Variants in CREB5 observed in about 807,000 individuals in gnomAD.
The protein encoded by CREB5 is cyclic AMP-responsive element-binding protein 5.
A neutral mutation model predicts 57.1 loss-of-function variants in CREB5; 19 were observed. The ratio of observed to expected loss-of-function variants is 0.33; its 90% CI spans 0.23 to 0.49. The LOEUF is 0.49. Ranked by LOEUF, CREB5 falls within the 20% of genes least tolerant of loss-of-function variation. The pLI is 0.99. For missense variants in CREB5, 579 were observed against 671.6 expected (o/e 0.86, Z 1.52); for synonymous variants, 238 against 238.3 (o/e 1.00, Z 0.01).
At chr7:28,804,158 G>A (rs1808546441) in intron 7 of CREB5, 41 bp from the exon 8 acceptor site, 2 of 1,580,374 alleles carry the variant, frequency 1.3e-6, no homozygotes, top group Non-Finnish European at 1.7e-6. Context: ...GTACATGACT[G>A]ACTTCAGTTG....
intron 1 of CREB5, among the ~76,000 whole-genome samples, chr7:28,318,309 C>T (rs188605610): frequency 1.7e-3 from 261 of 152,234 alleles, no homozygotes; most frequent in Middle Eastern, 0.01. Context: ...TGTATTGGTT[C>T]CAAGAACAGG....
intron 4 of CREB5, among the ~76,000 whole-genome samples, chr7:28,531,211 G>A (rs1793715614): frequency 6.6e-6 from 1 of 152,022 alleles, no homozygotes; most frequent in South Asian, 2.1e-4. Context: ...CATGGCTTCG[G>A]TAATAAAGTA....
chr7:28,574,665 A>G (rs1795836525), intron 5 of CREB5, among the ~76,000 whole-genome samples: 1 of 152,210 alleles, frequency 6.6e-6, no homozygotes, highest in Admixed American at 6.5e-5. Context: ...AAAATATTCT[A>G]CATATTTTTT....
At chr7:28,404,247 G>GT (rs1163476782) in intron 1 of CREB5, among the ~76,000 whole-genome samples, 6 of 152,240 alleles carry the variant, frequency 3.9e-5, no homozygotes, top group African/African-American at 1.4e-4. Context: ...AGTGTATGTG[G>GT]TTGCCTAACA....
chr7:28,492,321 T>C (rs1487698831), intron 2 of CREB5, among the ~76,000 whole-genome samples: 1 of 152,242 alleles, frequency 6.6e-6, no homozygotes, highest in African/African-American at 2.4e-5. Context: ...TATGTTACCG[T>C]TTCTTCGACA....
chr7:28,748,047 C>A (rs1228326246), intron 7 of CREB5, among the ~76,000 whole-genome samples: 1 of 152,218 alleles, frequency 6.6e-6, no homozygotes, highest in Admixed American at 6.5e-5. Flanking sequence ...GGCCATGTGG[C>A]TGGCTGCAGA....
chr7:28,577,869 C>T (rs59248178), intron 5 of CREB5, among the ~76,000 whole-genome samples: 2 of 152,134 alleles, frequency 1.3e-5, no homozygotes, highest in African/African-American at 4.8e-5. Context: ...GGTATAGCTT[C>T]CTCTCTTGAA....
At chr7:28,330,400 A>ATTTTTT (rs1562659890) in intron 1 of CREB5, among the ~76,000 whole-genome samples, 4 of 64,768 alleles carry the variant, frequency 6.2e-5, no homozygotes, top group African/African-American at 2.4e-4. Flanking sequence ...AGAGAACCTT[A>ATTTTTT]CTTTTTTTTT....
At chr7:28,357,199 T>A (rs567595998) in intron 1 of CREB5, among the ~76,000 whole-genome samples, 170 of 152,322 alleles carry the variant, frequency 1.1e-3, no homozygotes, top group Non-Finnish European at 1.8e-3. Context: ...TTCTTAAATC[T>A]CACCTTGCTG....
chr7:28,477,832 T>G (rs4722800), intron 1 of CREB5, among the ~76,000 whole-genome samples: 26,204 of 152,164 alleles, frequency 0.17, 2,360 homozygotes, highest in South Asian at 0.27. Flanking sequence ...CACAGCTTAT[T>G]AGCTGGGCAT....
intron 4 of CREB5, among the ~76,000 whole-genome samples, chr7:28,542,348 C>T (rs1298267269): frequency 6.6e-6 from 1 of 152,160 alleles, no homozygotes; most frequent in Non-Finnish European, 1.5e-5. Context: ...GTTGTTCCTG[C>T]TTAATATGTT....
chr7:28,522,908 G>A (rs149733923), intron 4 of CREB5, among the ~76,000 whole-genome samples: 49 of 152,278 alleles, frequency 3.2e-4, no homozygotes, highest in African/African-American at 1.1e-3. Flanking sequence ...ACCAAGATGC[G>A]TAATTCCAGT....
At chr7:28,817,960 T>C in intron 9 of CREB5, 111 bp from the exon 10 acceptor site, 1 of 679,470 alleles carries the variant, frequency 1.5e-6, no homozygotes, top group Non-Finnish European at 2.5e-6. Flanking sequence ...ATTCTTAATG[T>C]CATTTAGACA....
At chr7:28,393,002 G>A (rs899112840) in intron 1 of CREB5, among the ~76,000 whole-genome samples, 7 of 151,530 alleles carry the variant, frequency 4.6e-5, no homozygotes, top group Admixed American at 2.6e-4. Flanking sequence ...TTGGCTCACC[G>A]CAACCTCTGC....
intron 1 of CREB5, among the ~76,000 whole-genome samples, chr7:28,310,607 C>T (rs1785258571): frequency 6.6e-6 from 1 of 152,226 alleles, no homozygotes; most frequent in African/African-American, 2.4e-5. Context: ...TGATACATTT[C>T]TCTATATATT....
intron 5 of CREB5, among the ~76,000 whole-genome samples, chr7:28,620,865 C>T (rs566887406): frequency 6.6e-6 from 1 of 152,150 alleles, no homozygotes; most frequent in African/African-American, 2.4e-5. Context: ...GTGATCCAGT[C>T]GGTATTAAAG....
At chr7:28,555,733 G>A (rs1794839645) in intron 4 of CREB5, among the ~76,000 whole-genome samples, 1 of 152,026 alleles carries the variant, frequency 6.6e-6, no homozygotes. Context: ...CATCACAAAG[G>A]GAAAGTTACA....
At chr7:28,762,567 G>C (rs368154565) in intron 7 of CREB5, among the ~76,000 whole-genome samples, 3 of 152,116 alleles carry the variant, frequency 2.0e-5, no homozygotes, top group Admixed American at 2.0e-4. Flanking sequence ...ATAATTGTTT[G>C]TATTTCTCTA....
At chr7:28,533,262 A>G (rs1793807129) in intron 4 of CREB5, among the ~76,000 whole-genome samples, 1 of 152,184 alleles carries the variant, frequency 6.6e-6, no homozygotes, top group Admixed American at 6.5e-5. Flanking sequence ...AAGCTTGTGT[A>G]ACGAAGCAAG....
Sources: gnomAD v4.1 joint callset for allele counts (sites outside exome capture counted in the v4.1 genomes callset) on GRCh38, gnomAD v4.1.1 for gene constraint, MANE v1.5 for transcripts, NCBI Gene and HGNC (gene_info 2026-07-23, HGNC 2026-07-21) for gene names.